APBA1: variants seen among roughly 807,000 people sequenced by gnomAD.
The protein encoded by APBA1 is amyloid beta precursor protein binding family A member 1, also known as amyloid-beta A4 precursor protein-binding family A member 1.
APBA1 carries 55 observed loss-of-function variants against 86.6 expected under a neutral mutation model. The observed-to-expected ratio is 0.64, with a 90% CI of 0.51 to 0.80. The LOEUF is 0.80. Among genes scored for constraint, APBA1 ranks in the 30% least tolerant of loss-of-function variants. The probability of loss-of-function intolerance (pLI) is 0.00; values close to 1 mark genes in which losing one functional copy is unlikely to be tolerated. For missense variants in APBA1, 1,090 were observed against 1,183.0 expected (o/e 0.92, Z 1.15); for synonymous variants, 511 against 493.9 (o/e 1.03, Z -0.46).
chr9:69,434,567 C>T (rs1050604728), intron 11 of APBA1, among the ~76,000 whole-genome samples: 4 of 151,936 alleles, frequency 2.6e-5, no homozygotes, highest in East Asian at 3.9e-4. Context: ...ATTAGCCGGG[C>T]GTGGTGGCAC....
At position 69,643,019 on chromosome 9, in the gene APBA1, AAC is replaced by A. The variant is rs369247145; in HGVS notation, c.-70+29132_-70+29133del. Among the ~76,000 whole-genome samples, 893 of 140,474 alleles carry A rather than the reference AAC, an allele frequency of 6.4e-3. 3 individuals are homozygous for A. The highest frequency in any genetic ancestry group is 0.017 in the African/African-American group (653 of 38,422). The allele number at this position is 140,474 out of a possible 152,430, so 92.2% of individuals were successfully genotyped here. A position where few individuals can be genotyped will look rare whatever the true frequency, so the allele number is the denominator to read the frequency against. On this transcript the variant is annotated intron_variant, in intron 1 of 12. Coordinates refer to ENST00000265381, the MANE Select transcript of APBA1 (RefSeq NM_001163.4). The stretch of plus-strand genomic sequence containing the variant: ...TGTATACACACACACCCCCGCCACA[AAC>A]ACACACACACACACACACACACCCC...
intron 1 of APBA1, among the ~76,000 whole-genome samples, chr9:69,605,519 G>A (rs1284921081): frequency 6.6e-6 from 1 of 152,150 alleles, no homozygotes; most frequent in Non-Finnish European, 1.5e-5. Flanking sequence ...ATGACTCAAT[G>A]CTCCAGCCAC....
At chr9:69,499,796 T>TAA (rs1026685980) in intron 2 of APBA1, among the ~76,000 whole-genome samples, 1 of 145,484 alleles carries the variant, frequency 6.9e-6, no homozygotes, top group South Asian at 2.2e-4. Flanking sequence ...TTCTTGAAAT[T>TAA]AAAAAAAAAA....
chr9:69,638,820 A>C (rs1465830271), intron 1 of APBA1, among the ~76,000 whole-genome samples: 1 of 152,198 alleles, frequency 6.6e-6, no homozygotes, highest in African/African-American at 2.4e-5. Flanking sequence ...GAAAAAACAT[A>C]TGAGGTGTAT....
At chr9:69,441,895 A>G (rs1564030199) in intron 10 of APBA1, among the ~76,000 whole-genome samples, 2 of 152,250 alleles carry the variant, frequency 1.3e-5, no homozygotes, top group Non-Finnish European at 2.9e-5. Context: ...GACTATGTAG[A>G]AAGCTTCCAC....
At chr9:69,534,417 T>C (rs979899324) in intron 1 of APBA1, among the ~76,000 whole-genome samples, 20 of 152,196 alleles carry the variant, frequency 1.3e-4, no homozygotes, top group African/African-American at 4.3e-4. Flanking sequence ...ATGAGTTTGC[T>C]TTTTCCATGT....
chr9:69,467,810 C>T lies in APBA1; in HGVS notation c.1482+13G>A, dbSNP rs1835302827. 1 of 1,613,994 alleles carries T rather than the reference C, an allele frequency of 6.2e-7. No homozygotes were observed. The highest frequency in any genetic ancestry group is 1.3e-5 in the African/African-American group (1 of 74,932). ...AGCCCCCTGTCCCTGTTGGAGCACCCAGATGTCCTCACCTTGATCCTGCTT... is the reference window on the plus strand; with the variant it reads ...AGCCCCCTGTCCCTGTTGGAGCACCTAGATGTCCTCACCTTGATCCTGCTT... On this transcript the variant is annotated intron_variant, in intron 5 of 12. Coordinates refer to ENST00000265381, the MANE Select transcript of APBA1 (RefSeq NM_001163.4).
intron 2 of APBA1, among the ~76,000 whole-genome samples, chr9:69,482,791 G>C (rs1835537038): frequency 6.6e-6 from 1 of 151,732 alleles, no homozygotes; most frequent in Non-Finnish European, 1.5e-5. Flanking sequence ...ATACTATGCA[G>C]CCATAAAAAA....
chr9:69,637,297 G>A (rs1823199310), intron 1 of APBA1, among the ~76,000 whole-genome samples: 1 of 152,162 alleles, frequency 6.6e-6, no homozygotes, highest in African/African-American at 2.4e-5. Context: ...AAGATCTAGT[G>A]TTTGATAGTA....
At chr9:69,640,866 C>T (rs1409997958) in intron 1 of APBA1, among the ~76,000 whole-genome samples, 2 of 148,950 alleles carry the variant, frequency 1.3e-5, no homozygotes, top group Non-Finnish European at 3.0e-5. Context: ...TCAATTATTT[C>T]AATTCAATAT....
At chr9:69,624,441 C>CACA (rs2133992508) in intron 1 of APBA1, among the ~76,000 whole-genome samples, 1 of 152,174 alleles carries the variant, frequency 6.6e-6, no homozygotes, top group Non-Finnish European at 1.5e-5. Flanking sequence ...AGAAAGTGCC[C>CACA]ACAAAACAGC....
At chr9:69,622,619 TG>T (rs1198491361) in intron 1 of APBA1, among the ~76,000 whole-genome samples, 1 of 152,030 alleles carries the variant, frequency 6.6e-6, no homozygotes, top group Non-Finnish European at 1.5e-5. Flanking sequence ...GAAAATCTAT[TG>T]GAGAAGTAAA....
chr9:69,464,633 G>A (rs895765143), intron 5 of APBA1: 3 of 152,198 alleles, frequency 2.0e-5, no homozygotes, highest in Non-Finnish European at 2.9e-5. Flanking sequence ...TTCTTATGAG[G>A]CAGCTGGACT....
At chr9:69,664,783 T>G (rs1823814183) in intron 1 of APBA1, among the ~76,000 whole-genome samples, 1 of 152,218 alleles carries the variant, frequency 6.6e-6, no homozygotes, top group Admixed American at 6.5e-5. Flanking sequence ...ATCTTACACA[T>G]GAGCATATAT....
In APBA1 at chr9:69,428,922, A is replaced by G. The variant is rs1008101642; in HGVS notation, c.*2405T>C. The G allele has an allele frequency of 6.6e-6, 1 of 152,214 alleles. No individual in the cohort carries two copies. Among genetic ancestry groups the G allele is most frequent in the African/African-American group, 2.4e-5 (1 of 41,456 alleles). 9.4% of individuals were successfully genotyped at this position (152,214 alleles called of 1,614,324 possible). On this transcript the variant is annotated 3_prime_UTR_variant, in exon 13 of 13. Coordinates refer to ENST00000265381, the MANE Select transcript of APBA1 (RefSeq NM_001163.4). ...GAAATCTTCTCACTCTAATGTTACA[A>G]TGTCAGTCCTCTAGGAGAGCTTGCA...
intron 5 of APBA1, chr9:69,461,364 T>C (rs1463177381): frequency 6.6e-6 from 1 of 150,906 alleles, no homozygotes; most frequent in African/African-American, 2.4e-5. Flanking sequence ...CCATCCACAA[T>C]GTGTACTGAG....
intron 9 of APBA1, among the ~76,000 whole-genome samples, chr9:69,450,125 G>A (rs970829561): frequency 7.2e-6 from 1 of 138,616 alleles, no homozygotes; most frequent in African/African-American, 2.7e-5. Flanking sequence ...ATGAGGCTCT[G>A]TGGGTGGGTG....
intron 1 of APBA1, among the ~76,000 whole-genome samples, chr9:69,554,216 C>T (rs992983637): frequency 6.6e-6 from 1 of 152,188 alleles, no homozygotes; most frequent in African/African-American, 2.4e-5. Flanking sequence ...AGGACACATA[C>T]TATCTTTAAT....
chr9:69,468,385 C>T (rs946369096), intron 4 of APBA1, among the ~76,000 whole-genome samples: 5 of 151,796 alleles, frequency 3.3e-5, no homozygotes, highest in Non-Finnish European at 5.9e-5. Flanking sequence ...AACTAGATGG[C>T]TGTCTTTTTA....
Sources: allele counts gnomAD v4.1 joint callset (sites outside exome capture counted in the v4.1 genomes callset), GRCh38; gene constraint gnomAD v4.1.1; transcripts MANE v1.5; gene names NCBI Gene and HGNC (gene_info 2026-07-23, HGNC 2026-07-21).